The following CTNNA3 variants were observed in gnomAD, a reference collection of about 807,000 sequenced individuals.
CTNNA3 encodes catenin alpha 3.
In CTNNA3, 76 loss-of-function variants were observed where a neutral mutation model predicts 95.7. That is an observed-to-expected ratio of 0.79 (90% confidence interval 0.66 to 0.96). The LOEUF (loss-of-function observed/expected upper bound fraction) is 0.96, where lower values mean the gene tolerates loss of function less well. CTNNA3 is among the 40% of genes least tolerant of loss of function. The pLI, the probability that CTNNA3 is intolerant of heterozygous loss-of-function variation, is 0.00. For synonymous variants in CTNNA3, 431 were observed against 374.4 expected (o/e 1.15, Z -1.74); for missense variants, 1,191 against 1,089.8 (o/e 1.09, Z -1.31).
At position 67,080,691 on chromosome 10, in the gene CTNNA3, C is replaced by T. The variant is rs892209821; in HGVS notation, c.1047+99626G>A. On this transcript the variant is annotated intron_variant, in intron 7 of 17. Transcript: ENST00000433211. The stretch of plus-strand genomic sequence containing the variant: ...TTGGGAGGCTGAGGCGGGCGGATCA[C>T]GAGGTCAGGAGATCGAGACCATCCT... Among the ~76,000 whole-genome samples the T allele has an allele frequency of 1.5e-4, 23 of 152,048 alleles. 1 individual carries two copies. In the South Asian group the frequency reaches 4.8e-3, roughly 32 times the overall value.
intron 13 of CTNNA3, among the ~76,000 whole-genome samples, chr10:66,121,637 G>T (rs970732218): frequency 6.6e-6 from 1 of 152,158 alleles, no homozygotes; most frequent in African/African-American, 2.4e-5. Flanking sequence ...ATTGCTTGAG[G>T]TGAAGAGTTC....
chr10:66,781,743 G>C (rs1157884256), intron 7 of CTNNA3, among the ~76,000 whole-genome samples: 1 of 152,094 alleles, frequency 6.6e-6, no homozygotes, highest in Admixed American at 6.6e-5. Context: ...ATGCCTGCTG[G>C]GGTATGTCTG....
intron 2 of CTNNA3, among the ~76,000 whole-genome samples, chr10:67,644,948 G>A (rs58774374): frequency 1.3e-3 from 194 of 152,246 alleles, no homozygotes; most frequent in African/African-American, 4.3e-3. Flanking sequence ...TGTCTGGTAT[G>A]TAAAAGGTAA....
chr10:67,426,807 A>T lies in CTNNA3; in HGVS notation c.579+95035T>A, dbSNP rs187123488. 2.3e-3 allele frequency among the ~76,000 whole-genome samples: 335 copies of T among 143,132 alleles called. 2 individuals carry two copies. Among genetic ancestry groups the T allele is most frequent in the African/African-American group, 8.2e-3 (314 of 38,234 alleles). The allele number at this position is 143,132 out of a possible 152,430, so 93.9% of individuals were successfully genotyped here. On this transcript the variant is annotated intron_variant, in intron 5 of 17. Coordinates refer to ENST00000433211, the MANE Select transcript of CTNNA3 (RefSeq NM_013266.4). ...GTACCCTAGAACTTAAAGTATAATTAAAAAAAAAAAAGAAAGTTGTTAAGT... is the reference window on the plus strand; with the variant it reads ...GTACCCTAGAACTTAAAGTATAATTTAAAAAAAAAAAGAAAGTTGTTAAGT...
At chr10:66,066,275 G>A (rs911034853) in intron 15 of CTNNA3, among the ~76,000 whole-genome samples, 5 of 152,110 alleles carry the variant, frequency 3.3e-5, no homozygotes, top group African/African-American at 9.7e-5. Context: ...AAGGTTAAAA[G>A]TTGTAATTAA....
chr10:66,245,173 C>G (rs1167835738), intron 13 of CTNNA3, among the ~76,000 whole-genome samples: 1 of 152,196 alleles, frequency 6.6e-6, no homozygotes, highest in African/African-American at 2.4e-5. Flanking sequence ...GACATGCCAG[C>G]TGCTGCAGTG....
intron 12 of CTNNA3, among the ~76,000 whole-genome samples, chr10:66,286,459 C>T (rs1351105619): frequency 4.6e-5 from 7 of 151,388 alleles, no homozygotes; most frequent in Non-Finnish European, 8.8e-5. Context: ...TGCTCAAGAT[C>T]AAATCTTAAT....
intron 5 of CTNNA3, among the ~76,000 whole-genome samples, chr10:67,367,623 C>T (rs1201902047): frequency 6.6e-6 from 1 of 152,174 alleles, no homozygotes; most frequent in East Asian, 1.9e-4. Context: ...CCCAGATCTT[C>T]ATCACAGCAC....
At chr10:66,686,112 C>T (rs1200920101) in intron 9 of CTNNA3, among the ~76,000 whole-genome samples, 1 of 152,186 alleles carries the variant, frequency 6.6e-6, no homozygotes, top group Admixed American at 6.5e-5. Flanking sequence ...TTGTCTTCCA[C>T]ACAAATTCAG....
upstream of CTNNA3, among the ~76,000 whole-genome samples, chr10:67,698,410 C>T (rs986471776): frequency 7.9e-5 from 12 of 152,160 alleles, no homozygotes; most frequent in African/African-American, 1.2e-4. Flanking sequence ...CTGTGTTAGG[C>T]GCCAGCTAGA....
intron 15 of CTNNA3, among the ~76,000 whole-genome samples, chr10:66,043,478 A>G (rs927008298): frequency 6.6e-6 from 1 of 152,186 alleles, no homozygotes; most frequent in Non-Finnish European, 1.5e-5. Context: ...GCAATTCAGT[A>G]TCTGTCTTTT....
intron 15 of CTNNA3, among the ~76,000 whole-genome samples, chr10:66,042,899 CAAAAAAAA>C (rs60090636): frequency 1.9e-3 from 95 of 50,402 alleles, no homozygotes; most frequent in African/African-American, 4.8e-3. Flanking sequence ...GACTCTGTCT[CAAAAAAAA>C]AAAAAAAAAA....
intron 7 of CTNNA3, among the ~76,000 whole-genome samples, chr10:67,152,838 A>G (rs1861144840): frequency 6.6e-6 from 1 of 152,188 alleles, no homozygotes; most frequent in Non-Finnish European, 1.5e-5. Context: ...TAAGTTTTTT[A>G]TAAATTGAAG....
chr10:67,321,069 C>A (rs755049051), intron 5 of CTNNA3, among the ~76,000 whole-genome samples: 1 of 152,128 alleles, frequency 6.6e-6, no homozygotes, highest in Non-Finnish European at 1.5e-5. Context: ...ATCTTGATTT[C>A]TTTGCAGAAA....
At chr10:66,576,687 A>T (rs549514316) in intron 10 of CTNNA3, among the ~76,000 whole-genome samples, 1 of 152,190 alleles carries the variant, frequency 6.6e-6, no homozygotes, top group East Asian at 1.9e-4. Flanking sequence ...GCTGTGCAGT[A>T]TTCCGTGGTC....
intron 7 of CTNNA3, among the ~76,000 whole-genome samples, chr10:67,122,337 AC>A (rs1177378735): frequency 6.6e-6 from 1 of 152,234 alleles, no homozygotes; most frequent in East Asian, 1.9e-4. Context: ...CAATAACATA[AC>A]AAAGTCTTCA....
intron 7 of CTNNA3, among the ~76,000 whole-genome samples, chr10:66,921,141 T>G (rs1021352862): frequency 1.4e-4 from 21 of 152,174 alleles, no homozygotes; most frequent in Admixed American, 6.5e-5. Context: ...ACAGCCTGAT[T>G]TCTGGCTTCT....
chr10:66,974,899 CA>C (rs1340522487), intron 7 of CTNNA3, among the ~76,000 whole-genome samples: 2 of 150,472 alleles, frequency 1.3e-5, no homozygotes, highest in African/African-American at 4.9e-5. Context: ...CTTAATAATA[CA>C]TTTTTTTTAA....
chr10:67,619,783 T>C (rs1413435814), intron 2 of CTNNA3, among the ~76,000 whole-genome samples: 1 of 152,194 alleles, frequency 6.6e-6, no homozygotes, highest in East Asian at 1.9e-4. Context: ...GGAATTTTTA[T>C]TCCATTTATC....
Sources: allele counts gnomAD v4.1 joint callset (sites outside exome capture counted in the v4.1 genomes callset), GRCh38; gene constraint gnomAD v4.1.1; transcripts MANE v1.5; gene names NCBI Gene and HGNC (gene_info 2026-07-23, HGNC 2026-07-21).